Variants in CRTC1 observed in about 807,000 individuals in gnomAD.
The protein encoded by CRTC1 is CREB regulated transcription coactivator 1.
In CRTC1, 18 loss-of-function variants were observed where a neutral mutation model predicts 66.1. That is an observed-to-expected ratio of 0.27 (90% CI 0.19 to 0.40). The LOEUF is 0.40. Among genes scored for constraint, CRTC1 ranks in the 10% least tolerant of loss-of-function variants. The pLI is 1.00. For synonymous variants in CRTC1, 416 were observed against 398.8 expected (o/e 1.04, Z -0.51); for missense variants, 669 against 887.9 (o/e 0.75, Z 3.13).
chr19:18,724,324 T>G (rs941112323), intron 1 of CRTC1, among the ~76,000 whole-genome samples: 8 of 152,038 alleles, frequency 5.3e-5, no homozygotes, highest in African/African-American at 1.2e-4. Context: ...TTGCTGTGTG[T>G]GGGGGGATTC....
chr19:18,761,477 C>T (rs887721950), intron 8 of CRTC1, among the ~76,000 whole-genome samples: 4 of 152,204 alleles, frequency 2.6e-5, no homozygotes, highest in Admixed American at 6.5e-5. Context: ...GAACCGGCCC[C>T]GGCCCACTCC....
At chr19:18,703,576 T>C (rs537695702) in intron 1 of CRTC1, among the ~76,000 whole-genome samples, 37 of 152,152 alleles carry the variant, frequency 2.4e-4, no homozygotes, top group African/African-American at 8.9e-4. Context: ...GATTCTGGTG[T>C]CTTAGCCTCC....
chr19:18,704,412 A>G (rs1478319422), intron 1 of CRTC1, among the ~76,000 whole-genome samples: 1 of 152,042 alleles, frequency 6.6e-6, no homozygotes, highest in Non-Finnish European at 1.5e-5. Flanking sequence ...TAAAGTTAGT[A>G]AAATACACAT....
chr19:18,758,947 C>T (rs1226336405), intron 6 of CRTC1, among the ~76,000 whole-genome samples: 4 of 152,216 alleles, frequency 2.6e-5, no homozygotes, highest in Non-Finnish European at 5.9e-5. Context: ...GGTACCAGGG[C>T]TTAGGGCGGC....
chr19:18,762,874 A>G (rs1412251612), intron 8 of CRTC1, among the ~76,000 whole-genome samples: 1 of 152,186 alleles, frequency 6.6e-6, no homozygotes, highest in East Asian at 1.9e-4. Context: ...CAGACATTAG[A>G]GACTGGCAGC....
In CRTC1 at chr19:18,778,128, T is replaced by C. The variant is rs1022422530; in HGVS notation, c.*746T>C. The stretch of plus-strand genomic sequence containing the variant: ...ATCGGTGGCCACCTTTGCCGGGAAG[T>C]GACCGGAAGGCCCCGTGAGGGGTCG... On this transcript the variant is annotated 3_prime_UTR_variant, in exon 14 of 14. Coordinates refer to ENST00000321949, the MANE Select transcript of CRTC1 (RefSeq NM_015321.3). 4 of 232,736 alleles carry C rather than the reference T, an allele frequency of 1.7e-5. No individual in the cohort carries two copies. The highest frequency in any genetic ancestry group is 3.4e-5 in the Non-Finnish European group (4 of 117,864). 14.4% of individuals were successfully genotyped at this position (232,736 alleles called of 1,614,324 possible).
chr19:18,737,739 G>GCTCCTCCTCCTCCTCCTCCTC (rs760680059), intron 1 of CRTC1, among the ~76,000 whole-genome samples: 3 of 149,732 alleles, frequency 2.0e-5, no homozygotes, highest in South Asian at 2.1e-4. Context: ...TCCTGCTGCT[G>GCTCCTCCTCCTCCTCCTCCTC]CTCCTCCTCC....
chr19:18,722,277 C>T (rs2053646337), intron 1 of CRTC1, among the ~76,000 whole-genome samples: 2 of 152,212 alleles, frequency 1.3e-5, no homozygotes, highest in African/African-American at 4.8e-5. Flanking sequence ...ACGCAGGCCA[C>T]AGGCATGCCA....
Position 18,742,692 on chromosome 19 carries a change from C to T in CRTC1, c.127-218C>T, listed in dbSNP as rs375922508. Among the ~76,000 whole-genome samples the T allele has an allele frequency of 1.1e-4, 17 of 152,368 alleles. No individual in the cohort carries two copies. The South Asian group carries it at 1.7e-3, about 15-fold the overall frequency. On this transcript the variant is annotated intron_variant, in intron 1 of 13. Transcript: ENST00000321949. ...TGGGTTTCTGCATGGTGCATTGCCCCGCCTGGGGAGCCGTCCCGGCACCTC... is the reference window on the plus strand; with the variant it reads ...TGGGTTTCTGCATGGTGCATTGCCCTGCCTGGGGAGCCGTCCCGGCACCTC...
chr19:18,723,086 A>G (rs1476243387), intron 1 of CRTC1, among the ~76,000 whole-genome samples: 1 of 151,962 alleles, frequency 6.6e-6, no homozygotes, highest in Non-Finnish European at 1.5e-5. Flanking sequence ...GATTACAGGC[A>G]TGGGGCACCA....
chr19:18,706,308 C>T (rs917843755), intron 1 of CRTC1, among the ~76,000 whole-genome samples: 3 of 141,032 alleles, frequency 2.1e-5, no homozygotes, highest in South Asian at 2.3e-4. Flanking sequence ...GGGTTCAAAG[C>T]GATTCTCCTG....
At chr19:18,698,792 C>T (rs549432922) in intron 1 of CRTC1, among the ~76,000 whole-genome samples, 59 of 151,954 alleles carry the variant, frequency 3.9e-4, no homozygotes, top group Non-Finnish European at 6.6e-4. Flanking sequence ...GCTCAGCAGG[C>T]GTACAGTGTT....
rs2054708825 is a variant in CRTC1, at chr19:18,765,474, G to A, written c.957G>A (p.Glu319=). 6.2e-7 allele frequency: 1 copy of A among 1,611,810 alleles called. No homozygotes were observed. ...AGVSPLSLST[E]ARRQQASPTL... ...TCAGCCCCCTGTCCCTGAGCACAGA[G>A]GCAAGGCGTCAGCAGGCATCGCCCA... Residue 319 remains glutamate (E), a synonymous_variant, in exon 9 of 14, where the codon GAG becomes GAA. Coordinates refer to ENST00000321949, the MANE Select transcript of CRTC1 (RefSeq NM_015321.3).
intron 1 of CRTC1, among the ~76,000 whole-genome samples, chr19:18,742,534 G>A (rs1269834163): frequency 4.6e-5 from 7 of 152,334 alleles, no homozygotes; most frequent in East Asian, 1.9e-4. Context: ...GCCTCTGGCC[G>A]TGATAAGAAA....
rs919379885 is a variant in CRTC1, at chr19:18,760,982, G to T, written c.886+754G>T. On this transcript the variant is annotated intron_variant, in intron 8 of 13. Coordinates refer to ENST00000321949, the MANE Select transcript of CRTC1 (RefSeq NM_015321.3). This position sits in a 1 kb window ranked among gnomAD's most constrained non-coding sequence, Gnocchi z 6.2. ...GCTTCCTCCACTTGGGACCTCGCAC[G>T]GCCCCCAGCTCCCTCTCAGTGAAAG... Among the ~76,000 whole-genome samples, 1 of 147,396 alleles carries T rather than the reference G, an allele frequency of 6.8e-6. No homozygotes were observed. Among genetic ancestry groups the T allele is most frequent in the Non-Finnish European group, 1.5e-5 (1 of 67,088 alleles).
chr19:18,712,695 C>T lies in CRTC1; in HGVS notation c.126+28867C>T, dbSNP rs142068523. On this transcript the variant is annotated intron_variant, in intron 1 of 13. Coordinates refer to ENST00000321949, the MANE Select transcript of CRTC1 (RefSeq NM_015321.3). ...ATCCCCTTAGCCGGGTGCAGTTGCC[C>T]ATTCCTATAATCCCAACGCTTTGGG... is the stretch of plus-strand genomic sequence containing the variant. Among the ~76,000 whole-genome samples the T allele has an allele frequency of 2.2e-3, 332 of 152,238 alleles. 2 individuals are homozygous for T. The highest frequency in any genetic ancestry group is 7.7e-3 in the African/African-American group (319 of 41,534).
chr19:18,691,522 CAA>C (rs60633222), intron 1 of CRTC1, among the ~76,000 whole-genome samples: 4,672 of 72,716 alleles, frequency 0.064, 197 homozygotes, highest in African/African-American at 0.17. Flanking sequence ...CCCTTTTCTC[CAA>C]AAAAAAAAAA....
Position 18,777,032 on chromosome 19 carries a change from T to C in CRTC1, c.1694-139T>C. 1.6e-6 allele frequency: 1 copy of C among 623,040 alleles called. No individual in the cohort carries two copies. Among genetic ancestry groups the C allele is most frequent in the Non-Finnish European group, 2.9e-6 (1 of 347,900 alleles). 38.6% of individuals were successfully genotyped at this position (623,040 alleles called of 1,614,324 possible). A position where few individuals can be genotyped will look rare whatever the true frequency, so the allele number is the denominator to read the frequency against. On this transcript the variant is annotated intron_variant, in intron 13 of 13. Coordinates refer to ENST00000321949, the MANE Select transcript of CRTC1 (RefSeq NM_015321.3). This position sits in a 1 kb window ranked among gnomAD's most constrained non-coding sequence, Gnocchi z 5.5. ...CATGTGCTGGCCCCTCCCCCAGTCA[T>C]GACAGCTGGAATGTCCCCAGACATT...
In CRTC1 at chr19:18,777,603, G is replaced by A; in HGVS notation, c.*221G>A. Reference sequence around the variant, plus strand: ...CACCCACCCGCCCGCCCAGGGCTGGGCTGGGATCGGAGGCCGTGAGCCTCC... The same window carrying A: ...CACCCACCCGCCCGCCCAGGGCTGGACTGGGATCGGAGGCCGTGAGCCTCC... On this transcript the variant is annotated 3_prime_UTR_variant, in exon 14 of 14. Coordinates refer to ENST00000321949, the MANE Select transcript of CRTC1 (RefSeq NM_015321.3). The surrounding 1 kb of genome is among the most constrained non-coding windows in gnomAD (Gnocchi z 5.5). 1.9e-6 allele frequency: 1 copy of A among 538,262 alleles called. No homozygotes were observed. The highest frequency in any genetic ancestry group is 3.3e-6 in the Non-Finnish European group (1 of 307,114). 33.3% of individuals were successfully genotyped at this position (538,262 alleles called of 1,614,324 possible). A position where few individuals can be genotyped will look rare whatever the true frequency, so the allele number is the denominator to read the frequency against.
Sources: gnomAD v4.1 joint callset for allele counts (sites outside exome capture counted in the v4.1 genomes callset) on GRCh38, gnomAD v4.1.1 for gene constraint, Gnocchi (gnomAD v3.1) non-coding constraint, MANE v1.5 for transcripts, NCBI Gene and HGNC (gene_info 2026-07-23, HGNC 2026-07-21) for gene names.